The following PDE10A variants were observed in gnomAD, a reference collection of about 807,000 sequenced individuals.
PDE10A encodes the protein phosphodiesterase 10A, also known as cAMP and cAMP-inhibited cGMP 3',5'-cyclic phosphodiesterase 10A.
In PDE10A, 39 loss-of-function variants were observed where a neutral mutation model predicts 97.7. The ratio of observed to expected loss-of-function variants is 0.40; its 90% CI spans 0.31 to 0.52. The LOEUF is 0.52. Ranked by LOEUF, PDE10A falls within the 20% of genes least tolerant of loss-of-function variation. The pLI, the probability that PDE10A is intolerant of heterozygous loss-of-function variation, is 0.56. For synonymous variants in PDE10A, 371 were observed against 376.8 expected, an observed-to-expected ratio of 0.98 and a Z score of 0.18; for missense variants, 731 against 1,047.8, an observed-to-expected ratio of 0.70 and a Z score of 4.17.
At chr6:165,679,702 G>T (rs930507998) in intron 1 of PDE10A, among the ~76,000 whole-genome samples, 1 of 152,226 alleles carries the variant, frequency 6.6e-6, no homozygotes, top group African/African-American at 2.4e-5. Context: ...TACAGAAACG[G>T]TTCAAGCCTC....
chr6:165,707,238 C>A (rs1201146092), intron 1 of PDE10A, among the ~76,000 whole-genome samples: 1 of 152,226 alleles, frequency 6.6e-6, no homozygotes, highest in Non-Finnish European at 1.5e-5. Context: ...GCGGCTCCCC[C>A]AGTCCCGCCC....
chr6:165,654,652 A>G (rs186349724), intron 1 of PDE10A, among the ~76,000 whole-genome samples: 388 of 151,936 alleles, frequency 2.6e-3, no homozygotes, highest in Non-Finnish European at 4.3e-3. Context: ...TTCCCAAGTC[A>G]ATTCTCCATG....
chr6:165,558,132 C>T (rs1230956807), intron 1 of PDE10A, among the ~76,000 whole-genome samples: 1 of 152,160 alleles, frequency 6.6e-6, no homozygotes, highest in African/African-American at 2.4e-5. Context: ...ATAAATCATG[C>T]TGCTATAAAG....
At position 165,655,491 on chromosome 6, in the gene PDE10A, A is replaced by G. The variant is rs1007146004; in HGVS notation, c.865+6456T>C. Among the ~76,000 whole-genome samples, 2 of 148,840 alleles carry G rather than the reference A, an allele frequency of 1.3e-5. No homozygotes were observed. The highest frequency in any genetic ancestry group is 5.0e-5 in the African/African-American group (2 of 39,830). On this transcript the variant is annotated intron_variant, in intron 1 of 21. Coordinates refer to ENST00000539869, the MANE Select transcript of PDE10A (RefSeq NM_001385079.1). This position sits in a 1 kb window ranked among gnomAD's most constrained non-coding sequence, Gnocchi z 4.5. ...ATTCTTGATTCCTCTCTCTCCCTTG[A>G]CGTCCCCATATCCAACCCACCTGCA...
rs1456421781 is a variant in PDE10A at position 165,330,228 on chromosome 6, T to A, written c.*2797A>T. On this transcript the variant is annotated 3_prime_UTR_variant, in exon 22 of 22. Coordinates refer to ENST00000539869, the MANE Select transcript of PDE10A (RefSeq NM_001385079.1). ...TACTAAATTTATACTGGGTGGAAAA[T>A]TTGGCACAATACACAATACGACCTT... 6.6e-6 allele frequency: 1 copy of A among 152,118 alleles called. No individual in the cohort carries two copies. The highest frequency in any genetic ancestry group is 1.5e-5 in the Non-Finnish European group (1 of 68,006). The allele number at this position is 152,118 out of a possible 1,614,324, so 9.4% of individuals were successfully genotyped here.
intron 1 of PDE10A, among the ~76,000 whole-genome samples, chr6:165,690,962 G>A (rs1295687380): frequency 6.6e-6 from 1 of 152,054 alleles, no homozygotes; most frequent in Non-Finnish European, 1.5e-5. Flanking sequence ...ACTTGGACTG[G>A]AACCTACAAC....
intron 1 of PDE10A, among the ~76,000 whole-genome samples, chr6:165,730,083 T>C (rs931193157): frequency 1.3e-5 from 2 of 151,894 alleles, no homozygotes; most frequent in Non-Finnish European, 2.9e-5. Flanking sequence ...CTTGTATATC[T>C]ATCTTGAAAA....
intron 1 of PDE10A, among the ~76,000 whole-genome samples, chr6:165,802,342 T>C (rs1779007011): frequency 6.6e-6 from 1 of 152,178 alleles, no homozygotes; most frequent in Non-Finnish European, 1.5e-5. Flanking sequence ...TGCACGAATA[T>C]CCCCTGGCAT....
chr6:165,749,279 T>TATTACCATC (rs1792923901), intron 1 of PDE10A, among the ~76,000 whole-genome samples: 4 of 32,382 alleles, frequency 1.2e-4, no homozygotes, highest in Admixed American at 3.3e-4. Context: ...TCATCACCAT[T>TATTACCATC]ACCATCATCA....
At chr6:165,396,218 T>TA (rs1319937425) in intron 14 of PDE10A, 99 bp downstream of exon 14, 1 of 1,064,340 alleles carries the variant, frequency 9.4e-7, no homozygotes, top group African/African-American at 1.6e-5. Context: ...ATGTAATATG[T>TA]GTATAATAAT....
At chr6:165,455,080 G>A (rs2128252931) in intron 3 of PDE10A, among the ~76,000 whole-genome samples, 1 of 152,172 alleles carries the variant, frequency 6.6e-6, no homozygotes, top group Middle Eastern at 3.4e-3. Flanking sequence ...ATATCACGGG[G>A]GCAGGCAGAA....
intron 1 of PDE10A, among the ~76,000 whole-genome samples, chr6:165,617,258 A>C (rs1472140278): frequency 1.3e-5 from 2 of 152,166 alleles, no homozygotes; most frequent in African/African-American, 2.4e-5. Context: ...CCACATACCC[A>C]AGTAAGCAAT....
chr6:165,901,152 C>T (rs1044907212), intron 1 of PDE10A, among the ~76,000 whole-genome samples: 2 of 152,174 alleles, frequency 1.3e-5, no homozygotes, highest in East Asian at 1.9e-4. Flanking sequence ...CACTTGGAAG[C>T]CCCTCATCTA....
chr6:165,515,523 C>CTTTTTTTTTTTTTTTTTTTTTTTTT (rs376897417), intron 2 of PDE10A, among the ~76,000 whole-genome samples: 1 of 124,532 alleles, frequency 8.0e-6, no homozygotes, highest in African/African-American at 3.0e-5. Context: ...TGCTTTTGTT[C>CTTTTTTTTTTTTTTTTTTTTTTTTT]TTTTTTTTTT....
chr6:165,841,476 C>A (rs1025019013), intron 1 of PDE10A, among the ~76,000 whole-genome samples: 2 of 152,258 alleles, frequency 1.3e-5, no homozygotes, highest in Admixed American at 1.3e-4. Context: ...TCCCAGCGCA[C>A]ACACCATTGC....
At chr6:165,625,366 A>G (rs556314065) in intron 1 of PDE10A, among the ~76,000 whole-genome samples, 2 of 152,384 alleles carry the variant, frequency 1.3e-5, no homozygotes, top group Admixed American at 6.5e-5. Context: ...GGAGTCCACA[A>G]GACTTGCTGT....
At chr6:165,413,929 A>G (rs899360341) in intron 12 of PDE10A, among the ~76,000 whole-genome samples, 15 of 152,208 alleles carry the variant, frequency 9.9e-5, no homozygotes, top group Non-Finnish European at 8.8e-5. Flanking sequence ...TTTCTAGGAT[A>G]GTCTCTAAGA....
At chr6:165,813,813 G>A (rs932464367) in intron 1 of PDE10A, among the ~76,000 whole-genome samples, 5 of 151,298 alleles carry the variant, frequency 3.3e-5, no homozygotes, top group African/African-American at 1.2e-4. Context: ...TAGTCTGACC[G>A]TCATAGACAC....
chr6:165,641,961 G>A (rs1053050198), intron 1 of PDE10A, among the ~76,000 whole-genome samples: 14 of 152,212 alleles, frequency 9.2e-5, no homozygotes, highest in African/African-American at 2.9e-4. Context: ...TGGCAGAGGC[G>A]TGGCTGGTAG....
Sources: allele counts gnomAD v4.1 joint callset (sites outside exome capture counted in the v4.1 genomes callset), GRCh38; gene constraint gnomAD v4.1.1; non-coding constraint Gnocchi (gnomAD v3.1); transcripts MANE v1.5; gene names NCBI Gene and HGNC (gene_info 2026-07-23, HGNC 2026-07-21).